CERS6: variants seen among roughly 807,000 people sequenced by gnomAD.
CERS6 encodes LAG1 homolog, ceramide synthase 6.
CERS6 carries 26 observed loss-of-function variants against 56.8 expected under a neutral mutation model. The ratio of observed to expected loss-of-function variants is 0.46; its 90% CI spans 0.34 to 0.63. The LOEUF (loss-of-function observed/expected upper bound fraction) is 0.63. Ranked by LOEUF, CERS6 falls within the 30% of genes least tolerant of loss-of-function variation. The pLI is 0.01. For synonymous variants in CERS6, 164 were observed against 173.3 expected, an observed-to-expected ratio of 0.95 and a Z score of 0.42; for missense variants, 415 against 467.5, an observed-to-expected ratio of 0.89 and a Z score of 1.04.
At chr2:168,464,750 T>C (rs1574000075) in intron 1 of CERS6, among the ~76,000 whole-genome samples, 2 of 148,640 alleles carry the variant, frequency 1.3e-5, no homozygotes, top group South Asian at 4.2e-4. Flanking sequence ...AAATTCTGGG[T>C]GAGTGAGACC....
rs575661991 is a variant in CERS6 at position 168,745,398 on chromosome 2, C to T, written c.846-20194C>T. 1.1e-4 allele frequency among the ~76,000 whole-genome samples: 17 copies of T among 152,180 alleles called. No homozygotes were observed. In the South Asian group the frequency reaches 1.9e-3, roughly 17 times the overall value. The stretch of plus-strand genomic sequence containing the variant: ...CTGGGACTACAGGCGCCCACCACCA[C>T]GCCTAGCTAATTTTTTGTATTTTTA... On this transcript the variant is annotated intron_variant, in intron 8 of 9. Transcript: ENST00000305747.
At chr2:168,647,806 A>G (rs1444772929) in intron 4 of CERS6, among the ~76,000 whole-genome samples, 1 of 152,136 alleles carries the variant, frequency 6.6e-6, no homozygotes, top group Non-Finnish European at 1.5e-5. Context: ...TATGTGATGG[A>G]TCACATTTAT....
chr2:168,764,522 A>G (rs114997272), intron 8 of CERS6, among the ~76,000 whole-genome samples: 104 of 152,180 alleles, frequency 6.8e-4, no homozygotes, highest in Non-Finnish European at 1.3e-3. Flanking sequence ...GATGTATTTC[A>G]ATTATCAGTG....
chr2:168,550,857 GTGTTTGCACTCGGCCCTCCAC>G (rs1695558268), intron 2 of CERS6, among the ~76,000 whole-genome samples: 1 of 152,188 alleles, frequency 6.6e-6, no homozygotes, highest in South Asian at 2.1e-4. Context: ...CCCACTCTCT[GTGTTTGCACTCGGCCCTCCAC>G]TGGGGGCTGA....
chr2:168,503,778 T>G (rs1694627682), intron 1 of CERS6, among the ~76,000 whole-genome samples: 1 of 152,134 alleles, frequency 6.6e-6, no homozygotes, highest in South Asian at 2.1e-4. Flanking sequence ...TTTGGGTCTT[T>G]GAAGGCCTGT....
At chr2:168,711,061 T>C (rs567063710) in intron 6 of CERS6, among the ~76,000 whole-genome samples, 6 of 152,340 alleles carry the variant, frequency 3.9e-5, no homozygotes, top group African/African-American at 1.2e-4. Context: ...ACTTCATTTC[T>C]TAAATTATCT....
rs541434904 is a variant in CERS6, at chr2:168,730,681, G to C, written c.845+12703G>C. ...ACAAGCTCCATGTCTCTCAGGGCAAGTTGCAGCTACCCAATGTAACTATCT... is the reference window on the plus strand; with the variant it reads ...ACAAGCTCCATGTCTCTCAGGGCAACTTGCAGCTACCCAATGTAACTATCT... On this transcript the variant is annotated intron_variant, in intron 8 of 9. Coordinates refer to ENST00000305747, the MANE Select transcript of CERS6 (RefSeq NM_203463.3). Among the ~76,000 whole-genome samples, 281 of 152,132 alleles carry C rather than the reference G, an allele frequency of 1.8e-3. 1 individual carries two copies. Among genetic ancestry groups the C allele is most frequent in the Non-Finnish European group, 3.0e-3 (206 of 67,970 alleles).
intron 3 of CERS6, among the ~76,000 whole-genome samples, chr2:168,574,717 C>CA (rs77967969): frequency 0.92 from 139,602 of 152,214 alleles, 64,115 homozygotes; most frequent in East Asian, 1. Context: ...TAAGGGCTGC[C>CA]AAATGAATTG....
At chr2:168,605,288 A>G (rs1684026518) in intron 3 of CERS6, among the ~76,000 whole-genome samples, 1 of 152,188 alleles carries the variant, frequency 6.6e-6, no homozygotes, top group African/African-American at 2.4e-5. Flanking sequence ...GGTTTAGGGT[A>G]TGTGGTGGAA....
At chr2:168,552,349 T>TACAC (rs56340726) in intron 2 of CERS6, among the ~76,000 whole-genome samples, 10,610 of 139,764 alleles carry the variant, frequency 0.076, 477 homozygotes, top group East Asian at 0.22. Flanking sequence ...ATACAGAGTA[T>TACAC]ACACACACAC....
intron 8 of CERS6, among the ~76,000 whole-genome samples, chr2:168,765,016 T>G (rs775140432): frequency 9.2e-5 from 14 of 152,320 alleles, no homozygotes; most frequent in Non-Finnish European, 1.3e-4. Flanking sequence ...TTATACGTAT[T>G]ATAATTCAGC....
chr2:168,629,279 G>A (rs994415263), intron 3 of CERS6, among the ~76,000 whole-genome samples: 55 of 152,068 alleles, frequency 3.6e-4, no homozygotes, highest in Non-Finnish European at 1.5e-4. Flanking sequence ...ACTAACAAGG[G>A]TCTTAGAACT....
chr2:168,568,878 A>G (rs1695931953), intron 3 of CERS6, among the ~76,000 whole-genome samples: 1 of 152,252 alleles, frequency 6.6e-6, no homozygotes, highest in African/African-American at 2.4e-5. Context: ...GGTTAGGGAC[A>G]CAACACTCAG....
intron 4 of CERS6, among the ~76,000 whole-genome samples, chr2:168,642,443 G>A (rs1449310636): frequency 6.6e-6 from 1 of 152,204 alleles, no homozygotes; most frequent in East Asian, 1.9e-4. Context: ...TTAAAGGAGA[G>A]TGTGTGTGTA....
chr2:168,754,252 A>C (rs1367157772), intron 8 of CERS6, among the ~76,000 whole-genome samples: 2 of 152,070 alleles, frequency 1.3e-5, no homozygotes, highest in Admixed American at 6.6e-5. Context: ...TTAGCATAGG[A>C]CCCACCAGCC....
intron 1 of CERS6, among the ~76,000 whole-genome samples, chr2:168,493,133 A>G (rs1271735835): frequency 6.6e-6 from 1 of 152,014 alleles, no homozygotes; most frequent in Non-Finnish European, 1.5e-5. Flanking sequence ...TTTATGCTAA[A>G]TTTCTGTTCT....
At position 168,483,623 on chromosome 2, in the gene CERS6, C is replaced by G. The variant is rs111683237; in HGVS notation, c.170+27005C>G. Among the ~76,000 whole-genome samples, 485 of 152,272 alleles carry G rather than the reference C, an allele frequency of 3.2e-3. 2 individuals carry two copies. Among genetic ancestry groups the G allele is most frequent in the African/African-American group, 0.011 (459 of 41,544 alleles). On this transcript the variant is annotated intron_variant, in intron 1 of 9. Transcript: ENST00000305747. ...GAGATGAAATACTTAACTAGCTGTT[C>G]TAATATTATGAGCACGAGGAGCTCC...
At chr2:168,660,245 A>T (rs1451110710) in intron 4 of CERS6, among the ~76,000 whole-genome samples, 1 of 152,166 alleles carries the variant, frequency 6.6e-6, no homozygotes, top group Non-Finnish European at 1.5e-5. Context: ...CAAATATAAG[A>T]GAATCTAAAA....
At chr2:168,752,828 G>GT (rs997167329) in intron 8 of CERS6, among the ~76,000 whole-genome samples, 1 of 152,108 alleles carries the variant, frequency 6.6e-6, no homozygotes, top group African/African-American at 2.4e-5. Flanking sequence ...GATCTTGTAT[G>GT]TTTTTTTCTT....
Sources: gnomAD v4.1 joint callset for allele counts (sites outside exome capture counted in the v4.1 genomes callset) on GRCh38, gnomAD v4.1.1 for gene constraint, MANE v1.5 for transcripts, NCBI Gene and HGNC (gene_info 2026-07-23, HGNC 2026-07-21) for gene names.